Variants in ARHGAP10 observed in about 807,000 individuals in gnomAD.
ARHGAP10 encodes the protein Rho GTPase activating protein 10, also known as rho GTPase-activating protein 10.
Under a neutral mutation model 108.6 loss-of-function variants are expected in ARHGAP10, and 87 were observed. The ratio of observed to expected loss-of-function variants is 0.80; its 90% CI spans 0.67 to 0.96. The LOEUF is 0.96. Among genes scored for constraint, ARHGAP10 ranks in the 40% least tolerant of loss-of-function variants. ARHGAP10 has a pLI of 0.00. For missense variants in ARHGAP10, 939 were observed against 954.5 expected, an observed-to-expected ratio of 0.98 and a Z score of 0.21; for synonymous variants, 347 against 341.1, an observed-to-expected ratio of 1.02 and a Z score of -0.19.
intron 13 of ARHGAP10, among the ~76,000 whole-genome samples, chr4:147,923,133 C>G (rs1737316221): frequency 6.6e-6 from 1 of 152,210 alleles, no homozygotes; most frequent in Non-Finnish European, 1.5e-5. Flanking sequence ...GGAATTGGTA[C>G]TTTCACATAA....
chr4:147,964,813 T>C (rs1011099463), intron 16 of ARHGAP10, among the ~76,000 whole-genome samples: 3 of 152,058 alleles, frequency 2.0e-5, no homozygotes, highest in African/African-American at 7.2e-5. Flanking sequence ...ATTACCTCAT[T>C]AGGGGAGGCA....
At chr4:147,896,410 C>T (rs550011620) in intron 10 of ARHGAP10, among the ~76,000 whole-genome samples, 1 of 151,946 alleles carries the variant, frequency 6.6e-6, no homozygotes, top group East Asian at 1.9e-4. Context: ...TTCTATTTTT[C>T]TTGGGTTTTG....
intron 1 of ARHGAP10, among the ~76,000 whole-genome samples, chr4:147,755,266 A>G (rs941754699): frequency 3.3e-5 from 5 of 152,104 alleles, no homozygotes; most frequent in Admixed American, 2.6e-4. Flanking sequence ...TACTTGTTAA[A>G]TTTTCTCTTA....
intron 1 of ARHGAP10, chr4:147,745,314 C>G (rs1372012626): frequency 6.6e-6 from 1 of 152,214 alleles, no homozygotes; most frequent in Non-Finnish European, 1.5e-5. Flanking sequence ...GCCTGCCATC[C>G]AAATACTTCA....
chr4:148,070,685 G>C (rs1730132470), intron 22 of ARHGAP10, among the ~76,000 whole-genome samples: 1 of 152,202 alleles, frequency 6.6e-6, no homozygotes, highest in Non-Finnish European at 1.5e-5. Context: ...CATGAAACTT[G>C]TGTGTGTTAC....
chr4:147,919,093 T>G (rs1737115510), intron 13 of ARHGAP10, among the ~76,000 whole-genome samples: 1 of 152,252 alleles, frequency 6.6e-6, no homozygotes, highest in African/African-American at 2.4e-5. Context: ...ACATTTGACG[T>G]TTTTATTAAA....
At chr4:147,775,159 C>T (rs906808422) in intron 1 of ARHGAP10, among the ~76,000 whole-genome samples, 4 of 152,134 alleles carry the variant, frequency 2.6e-5, no homozygotes, top group Admixed American at 6.6e-5. Context: ...GTGATCCACT[C>T]GCCTCGGCCC....
intron 5 of ARHGAP10, chr4:147,861,763 C>A (rs1579128617): frequency 2.0e-5 from 3 of 152,332 alleles, no homozygotes; most frequent in Admixed American, 2.0e-4. Context: ...CAGAGGGTTG[C>A]TCCTTCCAAC....
At chr4:148,000,579 C>T (rs1740675262) in intron 18 of ARHGAP10, among the ~76,000 whole-genome samples, 1 of 152,246 alleles carries the variant, frequency 6.6e-6, no homozygotes, top group South Asian at 2.1e-4. Context: ...ACCTTCTCTG[C>T]AGCACCTGTT....
At chr4:148,058,810 C>T (rs1403405665) in intron 20 of ARHGAP10, among the ~76,000 whole-genome samples, 1 of 152,244 alleles carries the variant, frequency 6.6e-6, no homozygotes, top group Non-Finnish European at 1.5e-5. Flanking sequence ...CCCACTGCTG[C>T]ACGTGAAAGC....
chr4:147,787,338 G>T (rs1185154060), intron 1 of ARHGAP10, among the ~76,000 whole-genome samples: 1 of 152,166 alleles, frequency 6.6e-6, no homozygotes, highest in East Asian at 1.9e-4. Context: ...ACACAGATGA[G>T]GGAGGAGTAT....
intron 1 of ARHGAP10, among the ~76,000 whole-genome samples, chr4:147,796,612 G>A (rs1042675667): frequency 2.9e-4 from 44 of 151,960 alleles, no homozygotes; most frequent in Admixed American, 2.9e-3. Flanking sequence ...TGCAAGCTCC[G>A]CCTCCCAGGT....
At chr4:147,786,726 C>T (rs982064529) in intron 1 of ARHGAP10, among the ~76,000 whole-genome samples, 1 of 152,168 alleles carries the variant, frequency 6.6e-6, no homozygotes, top group East Asian at 1.9e-4. Context: ...ATTTATTCAA[C>T]AGTGATTACT....
At chr4:148,001,703 G>A (rs907646436) in intron 18 of ARHGAP10, among the ~76,000 whole-genome samples, 4 of 151,840 alleles carry the variant, frequency 2.6e-5, no homozygotes, top group Non-Finnish European at 4.4e-5. Flanking sequence ...CTCATGATTT[G>A]GCTCTCTGTT....
At position 147,929,542 on chromosome 4, in the gene ARHGAP10, A is replaced by C. The variant is rs138719462; in HGVS notation, c.1229-10283A>C. Among the ~76,000 whole-genome samples the C allele has an allele frequency of 1.9e-3, 293 of 152,314 alleles. 1 individual carries two copies. Among genetic ancestry groups the C allele is most frequent in the African/African-American group, 5.3e-3 (219 of 41,572 alleles). The stretch of plus-strand genomic sequence containing the variant: ...CTTACTATACTTAAACAGACATTTA[A>C]ACATTAGTGCTTACTGAGGACTAGT... On this transcript the variant is annotated intron_variant, in intron 13 of 22. Transcript: ENST00000336498.
intron 12 of ARHGAP10, among the ~76,000 whole-genome samples, chr4:147,910,512 T>C (rs1021826972): frequency 2.0e-5 from 3 of 152,210 alleles, no homozygotes; most frequent in African/African-American, 7.2e-5. Context: ...CTTGATATGC[T>C]TTATCTTTGT....
At chr4:148,037,957 T>A (rs1268341529) in intron 19 of ARHGAP10, among the ~76,000 whole-genome samples, 1 of 152,130 alleles carries the variant, frequency 6.6e-6, no homozygotes, top group East Asian at 1.9e-4. Flanking sequence ...CCTAGACAGA[T>A]TTAACTTTAT....
chr4:147,746,965 C>T (rs888730610), intron 1 of ARHGAP10, among the ~76,000 whole-genome samples: 8 of 152,064 alleles, frequency 5.3e-5, no homozygotes, highest in African/African-American at 1.9e-4. Context: ...AGTGGTTTTC[C>T]TCATAGTCTG....
chr4:147,989,807 G>A (rs1355273348), intron 18 of ARHGAP10, among the ~76,000 whole-genome samples: 2 of 151,964 alleles, frequency 1.3e-5, no homozygotes, highest in Admixed American at 6.6e-5. Flanking sequence ...CATCCTTCTC[G>A]GCTGACAGGA....
Sources: gnomAD v4.1 joint callset for allele counts (sites outside exome capture counted in the v4.1 genomes callset) on GRCh38, gnomAD v4.1.1 for gene constraint, MANE v1.5 for transcripts, NCBI Gene and HGNC (gene_info 2026-07-23, HGNC 2026-07-21) for gene names.